RPH3AL: variants seen among roughly 807,000 people sequenced by gnomAD.
RPH3AL encodes rab effector Noc2.
A neutral mutation model predicts 43.1 loss-of-function variants in RPH3AL; 38 were observed. The observed-to-expected ratio is 0.88, with a 90% CI of 0.68 to 1.15. The LOEUF (loss-of-function observed/expected upper bound fraction) is 1.15, where lower values mean the gene tolerates loss of function less well. Among genes scored for constraint, RPH3AL ranks in the 50% most tolerant of loss-of-function variants. RPH3AL has a pLI of 0.00. For missense variants in RPH3AL, 462 were observed against 423.2 expected, an observed-to-expected ratio of 1.09 and a Z score of -0.81; for synonymous variants, 189 against 176.3, an observed-to-expected ratio of 1.07 and a Z score of -0.57.
At chr17:321,485 C>G in intron 3 of RPH3AL, 70 bp from the exon 4 acceptor site, 9 of 1,460,104 alleles carry the variant, frequency 6.2e-6, no homozygotes, top group Non-Finnish European at 8.1e-6. Flanking sequence ...CTACCACATC[C>G]ACCAAGCCCC....
At position 287,045 on chromosome 17, in the gene RPH3AL, CCT is replaced by C. The variant is rs201751824; in HGVS notation, c.352-5193_352-5192del. On this transcript the variant is annotated intron_variant, in intron 5 of 9. Coordinates refer to ENST00000331302, the MANE Select transcript of RPH3AL (RefSeq NM_006987.4). ...CTCTCTCCACCGTCAGACCTCACTC[CCT>C]CTCTCTCCACCGTCAGACCTCACTC... is the stretch of plus-strand genomic sequence containing the variant. Among the ~76,000 whole-genome samples the C allele has an allele frequency of 5.0e-4, 17 of 34,160 alleles. 3 individuals are homozygous for C. Among genetic ancestry groups the C allele is most frequent in the Non-Finnish European group, 5.4e-4 (8 of 14,700 alleles). 22.4% of individuals were successfully genotyped at this position (34,160 alleles called of 152,430 possible).
chr17:253,430 T>C (rs1555543418), intron 6 of RPH3AL, among the ~76,000 whole-genome samples: 2 of 152,180 alleles, frequency 1.3e-5, no homozygotes, highest in African/African-American at 4.8e-5. Context: ...AGTCCTCAGC[T>C]CATGGACTTC....
intron 5 of RPH3AL, among the ~76,000 whole-genome samples, chr17:307,267 ACGG>A (rs2043519688): frequency 1.2e-5 from 1 of 84,294 alleles, no homozygotes; most frequent in African/African-American, 5.6e-5. Context: ...GGTCCATCCC[ACGG>A]CAGGTCCATC....
intron 6 of RPH3AL, chr17:261,651 G>T (rs997777930): frequency 1.3e-5 from 2 of 152,214 alleles, no homozygotes; most frequent in Non-Finnish European, 2.9e-5. Flanking sequence ...AAAGACTCTG[G>T]ATCTAGAATT....
At chr17:304,553 A>G (rs1352843897) in intron 5 of RPH3AL, among the ~76,000 whole-genome samples, 5 of 152,066 alleles carry the variant, frequency 3.3e-5, no homozygotes. Flanking sequence ...ACATAACCAG[A>G]GGGGAAGGAA....
chr17:341,237 C>A (rs975022433), intron 1 of RPH3AL: 1 of 152,108 alleles, frequency 6.6e-6, no homozygotes, highest in Non-Finnish European at 1.5e-5. Context: ...TTCTGGTGAA[C>A]GTGTCTGACC....
At chr17:310,987 CT>C (rs2043631424) in intron 5 of RPH3AL, among the ~76,000 whole-genome samples, 1 of 152,184 alleles carries the variant, frequency 6.6e-6, no homozygotes, top group Middle Eastern at 3.2e-3. Context: ...TGCCCATTCA[CT>C]GCTCAAACGC....
rs1340384594 is a variant in RPH3AL at position 245,941 on chromosome 17, G to C, written c.613+1170C>G. Reference sequence around the variant, plus strand: ...GCAGCAGAGGTGTACGCAGCATCCGGTAGGACCAGCGAGGAGAGGCTGCTA... The same window carrying C: ...GCAGCAGAGGTGTACGCAGCATCCGCTAGGACCAGCGAGGAGAGGCTGCTA... On this transcript the variant is annotated intron_variant, in intron 7 of 9. Coordinates refer to ENST00000331302, the MANE Select transcript of RPH3AL (RefSeq NM_006987.4). The surrounding 1 kb of genome is among the most constrained non-coding windows in gnomAD (Gnocchi z 5.9). Among the ~76,000 whole-genome samples, 1 of 152,162 alleles carries C rather than the reference G, an allele frequency of 6.6e-6. No homozygotes were observed. Among genetic ancestry groups the C allele is most frequent in the African/African-American group, 2.4e-5 (1 of 41,442 alleles).
At chr17:263,856 T>C (rs1555547096) in intron 6 of RPH3AL, among the ~76,000 whole-genome samples, 5 of 152,158 alleles carry the variant, frequency 3.3e-5, no homozygotes, top group Non-Finnish European at 7.4e-5. Flanking sequence ...TTCCCACACA[T>C]CACTGCACCC....
intron 6 of RPH3AL, among the ~76,000 whole-genome samples, chr17:273,006 C>T (rs1053844259): frequency 1.7e-5 from 2 of 116,630 alleles, no homozygotes; most frequent in Admixed American, 8.2e-5. Context: ...GAGACCCCAG[C>T]GAGGGCGACA....
At chr17:230,687 A>G (rs1372814408) in intron 7 of RPH3AL, among the ~76,000 whole-genome samples, 1 of 152,122 alleles carries the variant, frequency 6.6e-6, no homozygotes, top group East Asian at 1.9e-4. Context: ...TTGGTTTATG[A>G]AAGAATGAAA....
rs564291359 is a variant in RPH3AL, at chr17:246,081, T to C, written c.613+1030A>G. Among the ~76,000 whole-genome samples, 13 of 152,288 alleles carry C rather than the reference T, an allele frequency of 8.5e-5. No homozygotes were observed. Among genetic ancestry groups the C allele is most frequent in the Admixed American group, 3.9e-4 (6 of 15,308 alleles). The stretch of plus-strand genomic sequence containing the variant: ...GATTTATACCTTCTACATACGTCAC[T>C]GGACAACTTTCACATGTTCGTAATA... On this transcript the variant is annotated intron_variant, in intron 7 of 9. Coordinates refer to ENST00000331302, the MANE Select transcript of RPH3AL (RefSeq NM_006987.4). The surrounding 1 kb of genome is among the most constrained non-coding windows in gnomAD (Gnocchi z 4.8).
chr17:315,935 C>A (rs1260931215), intron 5 of RPH3AL, among the ~76,000 whole-genome samples: 1 of 148,348 alleles, frequency 6.7e-6, no homozygotes, highest in African/African-American at 2.6e-5. Context: ...TGTGCCCCCA[C>A]CTCCATTGAC....
chr17:236,592 C>A (rs1296562474), intron 7 of RPH3AL, among the ~76,000 whole-genome samples: 1 of 152,178 alleles, frequency 6.6e-6, no homozygotes, highest in Admixed American at 6.5e-5. Context: ...GGCTGGCAAG[C>A]TGCAGAGCGG....
intron 5 of RPH3AL, among the ~76,000 whole-genome samples, chr17:316,071 G>A (rs1555520041): frequency 7.0e-6 from 1 of 142,536 alleles, no homozygotes; most frequent in African/African-American, 2.7e-5. Flanking sequence ...CCAGTGATGT[G>A]TAGTCCCTGT....
chr17:219,192 C>CTT (rs796389217), intron 8 of RPH3AL, among the ~76,000 whole-genome samples: 3,490 of 57,978 alleles, frequency 0.06, 638 homozygotes, highest in East Asian at 0.085. Context: ...ATAAACAGCA[C>CTT]TTTTTTTTTT....
At position 331,590 on chromosome 17, in the gene RPH3AL, A is replaced by G. The variant is rs1462022538; in HGVS notation, c.-37+2169T>C. The G allele has an allele frequency of 1.3e-5, 17 of 1,283,870 alleles. No homozygotes were observed. In the East Asian group the frequency reaches 9.5e-4, roughly 72 times the overall value. The allele number at this position is 1,283,870 out of a possible 1,614,324, so 79.5% of individuals were successfully genotyped here. The stretch of plus-strand genomic sequence containing the variant: ...GAGAGGAAGGGCAACTCGAGGAGGC[A>G]CATTTTAGGAAACTGCCCACGGAGC... On this transcript the variant is annotated intron_variant, in intron 2 of 9. Transcript: ENST00000331302.
In RPH3AL at chr17:301,290, C is replaced by T. The variant is rs1318666397; in HGVS notation, c.351+18130G>A. ...AGATCTCTTTACATCTTAAAAGGTACATAGGCAAAGTTCTCTGGGCTTTTT... is the reference window on the plus strand; with the variant it reads ...AGATCTCTTTACATCTTAAAAGGTATATAGGCAAAGTTCTCTGGGCTTTTT... On this transcript the variant is annotated intron_variant, in intron 5 of 9. Coordinates refer to ENST00000331302, the MANE Select transcript of RPH3AL (RefSeq NM_006987.4). Among the ~76,000 whole-genome samples, 3 of 152,216 alleles carry T rather than the reference C, an allele frequency of 2.0e-5. No individual in the cohort carries two copies. In the South Asian group the frequency reaches 6.2e-4, roughly 31 times the overall value.
At chr17:341,887 T>C (rs2045129403) in intron 1 of RPH3AL, among the ~76,000 whole-genome samples, 1 of 152,114 alleles carries the variant, frequency 6.6e-6, no homozygotes, top group African/African-American at 2.4e-5. Context: ...AATTTACAAC[T>C]TTGTCCATCA....
Sources: gnomAD v4.1 joint callset for allele counts (sites outside exome capture counted in the v4.1 genomes callset) on GRCh38, gnomAD v4.1.1 for gene constraint, Gnocchi (gnomAD v3.1) non-coding constraint, MANE v1.5 for transcripts, NCBI Gene and HGNC (gene_info 2026-07-23, HGNC 2026-07-21) for gene names.